Variants in MACROD2 observed in about 807,000 individuals in gnomAD.
The protein encoded by MACROD2 is mono-ADP ribosylhydrolase 2, also known as ADP-ribose glycohydrolase MACROD2.
Under a neutral mutation model 70.4 loss-of-function variants are expected in MACROD2, and 36 were observed. The observed-to-expected ratio is 0.51, with a 90% confidence interval of 0.39 to 0.68. The LOEUF is 0.68. Ranked by LOEUF, MACROD2 falls within the 30% of genes least tolerant of loss-of-function variation. MACROD2 has a pLI of 0.00. For missense variants in MACROD2, 496 were observed against 538.4 expected (o/e 0.92, Z 0.78); for synonymous variants, 172 against 178.8 (o/e 0.96, Z 0.30).
At chr20:14,168,921 A>G (rs866928572) in intron 3 of MACROD2, among the ~76,000 whole-genome samples, 6 of 152,220 alleles carry the variant, frequency 3.9e-5, no homozygotes, top group African/African-American at 1.4e-4. Flanking sequence ...CTATGGCCCA[A>G]TGTCCCTGAT....
At chr20:15,450,272 C>T (rs1327821262) in intron 7 of MACROD2, among the ~76,000 whole-genome samples, 4 of 151,906 alleles carry the variant, frequency 2.6e-5, no homozygotes, top group African/African-American at 9.6e-5. Flanking sequence ...GTTATAAATG[C>T]ATGCTCTTAC....
At chr20:15,839,806 A>G (rs2064152261) in intron 8 of MACROD2, among the ~76,000 whole-genome samples, 1 of 152,124 alleles carries the variant, frequency 6.6e-6, no homozygotes, top group Non-Finnish European at 1.5e-5. Flanking sequence ...ATCATTCTGT[A>G]TTATTATATT....
chr20:15,420,388 A>T (rs976954909), intron 6 of MACROD2, among the ~76,000 whole-genome samples: 75 of 152,244 alleles, frequency 4.9e-4, no homozygotes, highest in African/African-American at 1.7e-3. Flanking sequence ...GTTATTACTT[A>T]TAATTATAGT....
chr20:14,387,471 A>G (rs2083481242), intron 3 of MACROD2, among the ~76,000 whole-genome samples: 1 of 152,218 alleles, frequency 6.6e-6, no homozygotes, highest in Non-Finnish European at 1.5e-5. Flanking sequence ...TTGAATGCCT[A>G]GATCCAATAA....
intron 8 of MACROD2, among the ~76,000 whole-genome samples, chr20:15,575,398 A>T (rs1011982667): frequency 6.6e-6 from 1 of 152,058 alleles, no homozygotes; most frequent in East Asian, 1.9e-4. Context: ...GAATGAATGA[A>T]TACCAAGAAT....
At chr20:15,689,340 G>A (rs892996472) in intron 8 of MACROD2, among the ~76,000 whole-genome samples, 1 of 151,542 alleles carries the variant, frequency 6.6e-6, no homozygotes, top group Non-Finnish European at 1.5e-5. Context: ...CCTGCTCCTT[G>A]GACCTTAGCT....
At chr20:15,121,945 G>C (rs1261417452) in intron 5 of MACROD2, among the ~76,000 whole-genome samples, 2 of 152,116 alleles carry the variant, frequency 1.3e-5, no homozygotes. Flanking sequence ...AAATAAATTT[G>C]TGGGTGGGGG....
chr20:14,479,904 T>G (rs933090818), intron 3 of MACROD2, among the ~76,000 whole-genome samples: 10 of 152,254 alleles, frequency 6.6e-5, no homozygotes, highest in Non-Finnish European at 1.5e-4. Flanking sequence ...AGATACAAGG[T>G]CTTGCTTTAT....
At chr20:15,528,011 C>T (rs1359307642) in intron 8 of MACROD2, among the ~76,000 whole-genome samples, 2 of 152,184 alleles carry the variant, frequency 1.3e-5, no homozygotes, top group African/African-American at 4.8e-5. Flanking sequence ...GTTATATCTC[C>T]AGTACCTAGA....
intron 5 of MACROD2, among the ~76,000 whole-genome samples, chr20:15,184,877 C>A (rs1394764459): frequency 6.6e-6 from 1 of 152,192 alleles, no homozygotes; most frequent in Non-Finnish European, 1.5e-5. Flanking sequence ...ACCTGCAAGT[C>A]ATATTGTTGG....
At chr20:14,261,876 A>G (rs2082104093) in intron 3 of MACROD2, among the ~76,000 whole-genome samples, 1 of 131,906 alleles carries the variant, frequency 7.6e-6, no homozygotes, top group African/African-American at 2.5e-5. Context: ...TCTTGGAGAA[A>G]CGTGATTTTT....
intron 8 of MACROD2, among the ~76,000 whole-genome samples, chr20:15,594,362 C>A (rs16996083): frequency 0.12 from 17,725 of 152,152 alleles, 1,041 homozygotes; most frequent in East Asian, 0.18. Context: ...GCCATTACTC[C>A]ATGACAGCCA....
chr20:15,670,668 G>A lies in MACROD2; in HGVS notation c.645+170821G>A, dbSNP rs372244735. On this transcript the variant is annotated intron_variant, in intron 8 of 17. Transcript: ENST00000684519. The stretch of plus-strand genomic sequence containing the variant: ...TTGGAAATGAAGACACATAAAACAT[G>A]CCTTGGGAAATAGAAATCCTAGGGC... Among the ~76,000 whole-genome samples the A allele has an allele frequency of 3.9e-5, 6 of 152,152 alleles. No homozygotes were observed. In the East Asian group the frequency reaches 1.2e-3, roughly 29 times the overall value.
intron 3 of MACROD2, among the ~76,000 whole-genome samples, chr20:14,404,606 A>T (rs1453830899): frequency 2.0e-5 from 3 of 151,926 alleles, no homozygotes; most frequent in African/African-American, 7.2e-5. Flanking sequence ...TCCAAAAAAA[A>T]AATAATAATA....
At chr20:15,327,096 CA>C (rs1416175537) in intron 6 of MACROD2, among the ~76,000 whole-genome samples, 3 of 152,062 alleles carry the variant, frequency 2.0e-5, no homozygotes, top group Non-Finnish European at 2.9e-5. Context: ...CTGAAGAAAT[CA>C]TAAATGTTTG....
At chr20:14,050,975 C>G (rs1235376522) in intron 2 of MACROD2, among the ~76,000 whole-genome samples, 2 of 152,108 alleles carry the variant, frequency 1.3e-5, no homozygotes, top group Non-Finnish European at 2.9e-5. Flanking sequence ...AAGTACAATA[C>G]CTAATGCCGT....
At chr20:14,531,163 ATAG>A (rs2085298847) in intron 4 of MACROD2, among the ~76,000 whole-genome samples, 1 of 152,194 alleles carries the variant, frequency 6.6e-6, no homozygotes, top group Non-Finnish European at 1.5e-5. Context: ...GTAGATTGAA[ATAG>A]TAGGATCTCA....
intron 5 of MACROD2, among the ~76,000 whole-genome samples, chr20:15,160,979 A>ACC (rs2076344227): frequency 6.6e-6 from 1 of 151,800 alleles, no homozygotes; most frequent in African/African-American, 2.4e-5. Context: ...TGGATGACAC[A>ACC]CACATATGCA....
At chr20:15,109,334 A>T (rs2075936876) in intron 5 of MACROD2, among the ~76,000 whole-genome samples, 1 of 152,188 alleles carries the variant, frequency 6.6e-6, no homozygotes, top group African/African-American at 2.4e-5. Context: ...CAACCAGAAG[A>T]ATTACTCAAG....
Sources: allele counts gnomAD v4.1 joint callset (sites outside exome capture counted in the v4.1 genomes callset), GRCh38; gene constraint gnomAD v4.1.1; transcripts MANE v1.5; gene names NCBI Gene and HGNC (gene_info 2026-07-23, HGNC 2026-07-21).